Variants in ABI3BP observed in about 807,000 individuals in gnomAD.
ABI3BP encodes the protein target of Nesh-SH3.
Under a neutral mutation model 268.6 loss-of-function variants are expected in ABI3BP, and 216 were observed. That is an observed-to-expected ratio of 0.80 (90% CI 0.72 to 0.90). The LOEUF is 0.90. Among genes scored for constraint, ABI3BP ranks in the 40% least tolerant of loss-of-function variants. The pLI is 0.00. For missense variants in ABI3BP, 2,090 were observed against 2,182.4 expected, an observed-to-expected ratio of 0.96 and a Z score of 0.84; for synonymous variants, 730 against 730.0, an observed-to-expected ratio of 1.00 and a Z score of 0.00.
intron 27 of ABI3BP, 68 bp from the exon 28 acceptor site, chr3:100,835,728 T>C: frequency 8.0e-7 from 1 of 1,243,086 alleles, no homozygotes. Context: ...ATTTTGAAAA[T>C]GAATCTTCTT....
At chr3:100,930,361 A>G (rs2063209731) in intron 1 of ABI3BP, among the ~76,000 whole-genome samples, 1 of 152,038 alleles carries the variant, frequency 6.6e-6, no homozygotes, top group South Asian at 2.1e-4. Context: ...AGTAGGCCTT[A>G]GACAAAAAAT....
intron 35 of ABI3BP, among the ~76,000 whole-genome samples, chr3:100,825,389 T>TA (rs543297678): frequency 6.8e-6 from 1 of 147,300 alleles, no homozygotes; most frequent in African/African-American, 2.6e-5. Flanking sequence ...TTTTTTTTTT[T>TA]AAATCTAGAA....
At chr3:100,911,092 T>A in intron 2 of ABI3BP, 1 of 283,966 alleles carries the variant, frequency 3.5e-6, no homozygotes, top group Non-Finnish European at 6.8e-6. Context: ...TTTACATGGT[T>A]TGTCTTATGT....
chr3:100,815,049 T>C (rs1056058040), intron 44 of ABI3BP, among the ~76,000 whole-genome samples: 1 of 152,108 alleles, frequency 6.6e-6, no homozygotes, highest in Non-Finnish European at 1.5e-5. Flanking sequence ...ACCTAAGCCA[T>C]AGATTTTCGT....
At chr3:100,823,610 C>T (rs1487251049) in intron 36 of ABI3BP, 96 bp from the exon 37 acceptor site, 1 of 898,184 alleles carries the variant, frequency 1.1e-6, no homozygotes, top group African/African-American at 2.0e-5. Context: ...GTCAATTCTT[C>T]CAGAGAAACA....
chr3:100,810,563 G>T (rs2097839342), intron 48 of ABI3BP, 86 bp from the exon 49 acceptor site: 3 of 944,178 alleles, frequency 3.2e-6, no homozygotes, highest in East Asian at 2.8e-5. Context: ...GTAACAAATA[G>T]ATTTTTTTAA....
Position 100,832,339 on chromosome 3 carries a change from T to C in ABI3BP, c.2326A>G (p.Thr776Ala). 6.5e-7 allele frequency: 1 copy of C among 1,535,460 alleles called. No homozygotes were observed. Among genetic ancestry groups the C allele is most frequent in the Non-Finnish European group, 8.7e-7 (1 of 1,146,428 alleles). Residue 776 changes from threonine to alanine, a missense_variant, in exon 31 of 68, where the codon ACA becomes GCA. Transcript: ENST00000471714. Reference sequence around the variant, plus strand: ...TGTGGACGACGGGTTCTTTTTGTTGTTGTTGTTGGAGCTGAAGGAAGAAAA... The same window carrying C: ...TGTGGACGACGGGTTCTTTTTGTTGCTGTTGTTGGAGCTGAAGGAAGAAAA... Reference protein sequence around the residue: ...TPGTSSAPTTTTKRTRRPHPK... With the variant: ...TPGTSSAPTTATKRTRRPHPK...
rs954618859 is a variant in ABI3BP, at chr3:100,795,738, G to A, written c.3865+66C>T. 3.0e-5 allele frequency: 34 copies of A among 1,148,922 alleles called. No homozygotes were observed. In the Admixed American group the frequency reaches 9.4e-4, roughly 32 times the overall value. 71.2% of individuals were successfully genotyped at this position (1,148,922 alleles called of 1,614,324 possible). A position where few individuals can be genotyped will look rare whatever the true frequency, so the allele number is the denominator to read the frequency against. On this transcript the variant is annotated intron_variant, in intron 53 of 67. Transcript: ENST00000471714. ...AAATGATGTTTCAACAGGATCATTT[G>A]AGAAAGGCCTGCAATCTTGATGGTA...
In ABI3BP at chr3:100,789,222, A is replaced by T. The variant is rs555454859; in HGVS notation, c.4087+232T>A. 9.9e-4 allele frequency among the ~76,000 whole-genome samples: 151 copies of T among 152,196 alleles called. 4 individuals carry two copies. Among genetic ancestry groups the T allele is most frequent in the Non-Finnish European group, 2.9e-4 (20 of 67,962 alleles). On this transcript the variant is annotated intron_variant, in intron 56 of 67. Transcript: ENST00000471714. The stretch of plus-strand genomic sequence containing the variant: ...CAACACTATTTTTAAATACTTTTAA[A>T]TCAATAAAATTTCATAGTGATCTCT...
intron 14 of ABI3BP, among the ~76,000 whole-genome samples, chr3:100,860,769 A>C (rs1254370867): frequency 6.6e-6 from 1 of 152,184 alleles, no homozygotes; most frequent in Non-Finnish European, 1.5e-5. Flanking sequence ...AAAGAACCCC[A>C]TGTTCCCCAT....
rs528265076 is a variant in ABI3BP, at chr3:100,959,961, T to A, written c.79+33345A>T. Among the ~76,000 whole-genome samples the A allele has an allele frequency of 4.3e-4, 66 of 152,206 alleles. 1 individual carries two copies. The East Asian group carries it at 5.8e-3, about 13-fold the overall frequency. On this transcript the variant is annotated intron_variant, in intron 1 of 67. Transcript: ENST00000471714. Reference sequence around the variant, plus strand: ...TATGACTACACAAAGTCAGTTTTTTTAAAAAAAATTTGCAAAGAACCAAAA... The same window carrying A: ...TATGACTACACAAAGTCAGTTTTTTAAAAAAAAATTTGCAAAGAACCAAAA...
intron 9 of ABI3BP, among the ~76,000 whole-genome samples, chr3:100,873,906 C>T (rs1333900154): frequency 6.6e-6 from 1 of 152,174 alleles, no homozygotes; most frequent in Non-Finnish European, 1.5e-5. Context: ...GTTTCTTTAT[C>T]CATACAATGT....
At chr3:100,797,542 A>G (rs572170562) in intron 51 of ABI3BP, among the ~76,000 whole-genome samples, 1 of 150,876 alleles carries the variant, frequency 6.6e-6, no homozygotes, top group South Asian at 2.1e-4. Flanking sequence ...ACTCTGCCTC[A>G]GAAGAAAGAT....
At chr3:100,759,890 A>T (rs1195031930) in intron 63 of ABI3BP, among the ~76,000 whole-genome samples, 1 of 152,234 alleles carries the variant, frequency 6.6e-6, no homozygotes, top group Non-Finnish European at 1.5e-5. Context: ...TACAAAGCCC[A>T]TAAGAAGAGA....
chr3:100,898,993 A>G, intron 3 of ABI3BP, 99 bp from the exon 4 acceptor site: 1 of 1,287,936 alleles, frequency 7.8e-7, no homozygotes, highest in Admixed American at 2.4e-5. Context: ...AGATGATGCA[A>G]AATGTGAAAA....
chr3:100,880,578 T>G (rs1224843108), intron 6 of ABI3BP, among the ~76,000 whole-genome samples: 3 of 152,170 alleles, frequency 2.0e-5, no homozygotes, highest in Non-Finnish European at 4.4e-5. Flanking sequence ...TGGCGAAGCA[T>G]GCAGTTGGTG....
intron 59 of ABI3BP, among the ~76,000 whole-genome samples, chr3:100,777,780 T>G (rs1002987282): frequency 3.3e-5 from 5 of 152,232 alleles, no homozygotes; most frequent in African/African-American, 1.2e-4. Context: ...ACTCCTGTAC[T>G]GTTGCACAGG....
intron 51 of ABI3BP, among the ~76,000 whole-genome samples, chr3:100,804,192 T>G (rs1053379775): frequency 4.6e-5 from 7 of 152,134 alleles, no homozygotes; most frequent in African/African-American, 1.7e-4. Flanking sequence ...ATGAAGATAC[T>G]CCACAAACAT....
At position 100,922,850 on chromosome 3, in the gene ABI3BP, G is replaced by A. The variant is rs563364869; in HGVS notation, c.259+3452C>T. The stretch of plus-strand genomic sequence containing the variant: ...TTTGTAGTAATTTGTTTTAGCAGCT[G>A]CAGGAAATTAATGTATGGCTGCTTA... On this transcript the variant is annotated intron_variant, in intron 2 of 67. Transcript: ENST00000471714. 9.2e-5 allele frequency among the ~76,000 whole-genome samples: 14 copies of A among 152,278 alleles called. No individual in the cohort carries two copies. In the South Asian group the frequency reaches 2.9e-3, roughly 32 times the overall value.
Sources: gnomAD v4.1 joint callset for allele counts (sites outside exome capture counted in the v4.1 genomes callset) on GRCh38, gnomAD v4.1.1 for gene constraint, MANE v1.5 for transcripts, NCBI Gene and HGNC (gene_info 2026-07-23, HGNC 2026-07-21) for gene names.